Variants in TMEM132B observed in about 807,000 individuals in gnomAD.
The protein encoded by TMEM132B is transmembrane protein 132B.
In TMEM132B, 18 loss-of-function variants were observed where a neutral mutation model predicts 90.8. The ratio of observed to expected loss-of-function variants is 0.20; its 90% CI spans 0.14 to 0.29. The LOEUF (loss-of-function observed/expected upper bound fraction) is 0.29. Among genes scored for constraint, TMEM132B ranks in the 10% least tolerant of loss-of-function variants. The pLI is 1.00. For synonymous variants in TMEM132B, 504 were observed against 523.3 expected (o/e 0.96, Z 0.50); for missense variants, 1,096 against 1,326.8 (o/e 0.83, Z 2.70).
At chr12:125,306,365 C>T (rs1875970069) in intron 1 of TMEM132B, among the ~76,000 whole-genome samples, 1 of 152,218 alleles carries the variant, frequency 6.6e-6, no homozygotes, top group Non-Finnish European at 1.5e-5. Context: ...CAGGACTTCT[C>T]CCCTGGGCTC....
chr12:125,585,511 C>G (rs1885159715), intron 5 of TMEM132B: 3 of 152,190 alleles, frequency 2.0e-5, no homozygotes, highest in Admixed American at 6.5e-5. Flanking sequence ...GAGATGGTAT[C>G]TGTATGCTTA....
chr12:125,311,449 G>A (rs1876122072), intron 1 of TMEM132B, among the ~76,000 whole-genome samples: 1 of 152,114 alleles, frequency 6.6e-6, no homozygotes, highest in Non-Finnish European at 1.5e-5. Context: ...GAAAACTCTG[G>A]CGTCATCCCA....
intron 1 of TMEM132B, among the ~76,000 whole-genome samples, chr12:125,211,723 G>A (rs577334608): frequency 6.6e-6 from 1 of 152,326 alleles, no homozygotes; most frequent in East Asian, 1.9e-4. Context: ...GGCTTTCTCT[G>A]TCACCAAATA....
intron 3 of TMEM132B, among the ~76,000 whole-genome samples, chr12:125,441,748 C>T (rs909238622): frequency 6.6e-6 from 1 of 152,216 alleles, no homozygotes; most frequent in Admixed American, 6.5e-5. Flanking sequence ...GCTCTTCCAT[C>T]TCCGATCACT....
chr12:125,264,197 G>A (rs963883061), intron 1 of TMEM132B, among the ~76,000 whole-genome samples: 4 of 152,042 alleles, frequency 2.6e-5, no homozygotes, highest in African/African-American at 7.2e-5. Flanking sequence ...TCGTCACATC[G>A]CTTCCTCTGC....
intron 5 of TMEM132B, among the ~76,000 whole-genome samples, chr12:125,629,281 A>G (rs1186697822): frequency 6.6e-6 from 1 of 151,970 alleles, no homozygotes; most frequent in Non-Finnish European, 1.5e-5. Flanking sequence ...ATGAACGTAG[A>G]ATATCTTTCC....
rs1404206432 is a variant in TMEM132B at position 125,458,767 on chromosome 12, C to T, written c.1106+43090C>T. On this transcript the variant is annotated intron_variant, in intron 3 of 8. Transcript: ENST00000682704. The surrounding 1 kb of genome is among the most constrained non-coding windows in gnomAD (Gnocchi z 4.9). ...TGTCAGGGTGACTCACGTGGACACT[C>T]AGCATCTGAGGACAAATGAGAGTAG... Among the ~76,000 whole-genome samples the T allele has an allele frequency of 1.3e-5, 2 of 152,214 alleles. No homozygotes were observed. Among genetic ancestry groups the T allele is most frequent in the Admixed American group, 6.5e-5 (1 of 15,286 alleles).
intron 1 of TMEM132B, among the ~76,000 whole-genome samples, chr12:125,283,578 CTG>C (rs1875261366): frequency 6.6e-6 from 1 of 152,160 alleles, no homozygotes; most frequent in Admixed American, 6.5e-5. Flanking sequence ...GTGCCAGTCT[CTG>C]TAATGAAGCG....
chr12:125,340,719 T>C (rs147675520), intron 1 of TMEM132B, among the ~76,000 whole-genome samples: 108 of 152,272 alleles, frequency 7.1e-4, no homozygotes, highest in African/African-American at 2.4e-3. Flanking sequence ...TGTACAACGT[T>C]GGGTTTTCTA....
intron 6 of TMEM132B, 33 bp from the exon 7 acceptor site, chr12:125,650,650 G>C: frequency 6.3e-7 from 1 of 1,595,398 alleles, no homozygotes; most frequent in East Asian, 2.3e-5. Context: ...TAACAATGAA[G>C]ACTTTGTTCT....
chr12:125,328,918 T>G (rs1363037558), intron 1 of TMEM132B, among the ~76,000 whole-genome samples: 3 of 152,176 alleles, frequency 2.0e-5, no homozygotes, highest in African/African-American at 7.2e-5. Flanking sequence ...ACAGGGCTGC[T>G]TTGCTCTATC....
intron 7 of TMEM132B, among the ~76,000 whole-genome samples, chr12:125,651,315 T>C (rs891802498): frequency 1.3e-5 from 2 of 152,244 alleles, no homozygotes; most frequent in African/African-American, 2.4e-5. Context: ...TGAAAGCTAG[T>C]GTTTTTCCTC....
At chr12:125,469,564 G>C (rs1224928732) in intron 3 of TMEM132B, among the ~76,000 whole-genome samples, 2 of 152,148 alleles carry the variant, frequency 1.3e-5, no homozygotes, top group African/African-American at 4.8e-5. Flanking sequence ...GTGAGAAGTA[G>C]AGGACAAGAT....
At chr12:125,233,067 G>A (rs1565980229) in intron 1 of TMEM132B, among the ~76,000 whole-genome samples, 1 of 152,128 alleles carries the variant, frequency 6.6e-6, no homozygotes, top group Non-Finnish European at 1.5e-5. Flanking sequence ...GGCTTGGGGT[G>A]TTTGTTTCCC....
chr12:125,566,060 A>G (rs1884651326), intron 4 of TMEM132B, among the ~76,000 whole-genome samples: 1 of 152,228 alleles, frequency 6.6e-6, no homozygotes, highest in Non-Finnish European at 1.5e-5. Context: ...ACTTAGGGAA[A>G]TTGTGTAAGT....
At position 125,311,395 on chromosome 12, in the gene TMEM132B, C is replaced by T. The variant is rs781628462; in HGVS notation, c.68-38057C>T. ...GAAAGTCATACTTTCCCAGAACACA[C>T]GTGGCAGCTGACGGCAATTCCATCC... is the stretch of plus-strand genomic sequence containing the variant. On this transcript the variant is annotated intron_variant, in intron 1 of 8. Coordinates refer to ENST00000682704, the MANE Select transcript of TMEM132B (RefSeq NM_001366854.1). Among the ~76,000 whole-genome samples the T allele has an allele frequency of 5.3e-5, 8 of 152,186 alleles. 1 individual carries two copies. The East Asian group carries it at 5.8e-4, about 11-fold the overall frequency.
At chr12:125,480,869 TG>T (rs1319484396) in intron 3 of TMEM132B, among the ~76,000 whole-genome samples, 2 of 152,174 alleles carry the variant, frequency 1.3e-5, no homozygotes, top group Admixed American at 1.3e-4. Context: ...AATAAAATAC[TG>T]GCAAACCGAA....
intron 5 of TMEM132B, among the ~76,000 whole-genome samples, chr12:125,643,380 G>A (rs779130689): frequency 6.6e-6 from 1 of 152,298 alleles, no homozygotes; most frequent in South Asian, 2.1e-4. Context: ...GAGAAAGTCA[G>A]CCACAATTTA....
chr12:125,631,317 A>T (rs1886364389), intron 5 of TMEM132B, among the ~76,000 whole-genome samples: 1 of 151,804 alleles, frequency 6.6e-6, no homozygotes, highest in Non-Finnish European at 1.5e-5. Flanking sequence ...CTTGTTATTG[A>T]TTTCTAGTTT....
Sources: gnomAD v4.1 joint callset for allele counts (sites outside exome capture counted in the v4.1 genomes callset) on GRCh38, gnomAD v4.1.1 for gene constraint, Gnocchi (gnomAD v3.1) non-coding constraint, MANE v1.5 for transcripts, NCBI Gene and HGNC (gene_info 2026-07-23, HGNC 2026-07-21) for gene names.